Variants in AACS observed in about 807,000 individuals in gnomAD.
The protein encoded by AACS is acetoacetate-CoA ligase.
AACS carries 69 observed loss-of-function variants against 83.1 expected under a neutral mutation model. The ratio of observed to expected loss-of-function variants is 0.83; its 90% CI spans 0.68 to 1.01. AACS has a LOEUF of 1.01. AACS is among the 50% of genes least tolerant of loss of function. The pLI is 0.00. For missense variants in AACS, 866 were observed against 882.2 expected (o/e 0.98, Z 0.23); for synonymous variants, 333 against 343.4 (o/e 0.97, Z 0.33).
At chr12:125,128,049 C>T (rs1957273169) in intron 12 of AACS, 112 bp from the exon 13 acceptor site, 1 of 692,882 alleles carries the variant, frequency 1.4e-6, no homozygotes, top group African/African-American at 1.8e-5. Context: ...CAGTGTTTGT[C>T]TGGGAGAGTA....
At chr12:125,103,366 C>G (rs1298041655) in intron 7 of AACS, among the ~76,000 whole-genome samples, 1 of 152,238 alleles carries the variant, frequency 6.6e-6, no homozygotes, top group Non-Finnish European at 1.5e-5. Context: ...AGCCCACCTT[C>G]CTAGATTGGC....
intron 7 of AACS, chr12:125,105,070 T>C (rs1956804149): frequency 6.6e-6 from 1 of 152,008 alleles, no homozygotes; most frequent in South Asian, 2.1e-4. Flanking sequence ...GAGAACCCAC[T>C]CATCACCAAG....
intron 7 of AACS, 123 bp from the exon 8 acceptor site, chr12:125,106,998 G>A (rs1286004121): frequency 2.6e-5 from 37 of 1,419,542 alleles, no homozygotes; most frequent in African/African-American, 1.6e-4. Context: ...TCTGGCCACC[G>A]TCCCCCTGGA....
chr12:125,095,797 T>A (rs903245645), intron 5 of AACS, among the ~76,000 whole-genome samples: 1 of 152,200 alleles, frequency 6.6e-6, no homozygotes, highest in African/African-American at 2.4e-5. Context: ...TTCTGTTCCA[T>A]GTACGGTATT....
rs184572576 is a variant in AACS at position 125,077,534 on chromosome 12, G to A, written c.358+923G>A. Among the ~76,000 whole-genome samples, 1,499 of 151,494 alleles carry A rather than the reference G, an allele frequency of 9.9e-3. 13 individuals are homozygous for A. The highest frequency in any genetic ancestry group is 0.048 in the Middle Eastern group (14 of 290). ...CAAAAAAAAAAAAAAAAAATTGTATGTTCAGCAAGAGTTTATTGGACACTC... is the reference window on the plus strand; with the variant it reads ...CAAAAAAAAAAAAAAAAAATTGTATATTCAGCAAGAGTTTATTGGACACTC... On this transcript the variant is annotated intron_variant, in intron 3 of 17. Transcript: ENST00000316519.
At chr12:125,069,710 A>G (rs1955807241) in intron 1 of AACS, among the ~76,000 whole-genome samples, 1 of 152,230 alleles carries the variant, frequency 6.6e-6, no homozygotes, top group Non-Finnish European at 1.5e-5. Flanking sequence ...GGACTGTGCC[A>G]AGTGTCCTTC....
intron 3 of AACS, among the ~76,000 whole-genome samples, chr12:125,080,200 C>T (rs766021816): frequency 3.9e-5 from 6 of 152,132 alleles, no homozygotes; most frequent in Non-Finnish European, 8.8e-5. Context: ...AGAAGGAGAA[C>T]GAGAACGCTG....
chr12:125,085,443 C>T (rs1271805310), intron 3 of AACS, among the ~76,000 whole-genome samples: 1 of 152,210 alleles, frequency 6.6e-6, no homozygotes, highest in East Asian at 1.9e-4. Context: ...CATGGAACCA[C>T]GCACGTGCAC....
At chr12:125,132,955 G>T (rs1440221691) in intron 14 of AACS, among the ~76,000 whole-genome samples, 1 of 152,198 alleles carries the variant, frequency 6.6e-6, no homozygotes, top group Non-Finnish European at 1.5e-5. Context: ...TGGGAGGGAG[G>T]AGATGCCTTC....
chr12:125,103,399 T>A (rs985752371), intron 7 of AACS, among the ~76,000 whole-genome samples: 2 of 152,192 alleles, frequency 1.3e-5, no homozygotes, highest in African/African-American at 4.8e-5. Context: ...GCATTGGAAA[T>A]CATGTTTACA....
In AACS at chr12:125,107,676, CA is replaced by C. The variant is rs533684087; in HGVS notation, c.915+409del. On this transcript the variant is annotated intron_variant, in intron 8 of 17. Coordinates refer to ENST00000316519, the MANE Select transcript of AACS (RefSeq NM_023928.5). ...TAGACAAGAATAGATAATATTAGCG[CA>C]GTGCCAGACGCAATGGCCCACACCT... Among the ~76,000 whole-genome samples the C allele has an allele frequency of 1.6e-4, 24 of 152,322 alleles. No individual in the cohort carries two copies. The South Asian group carries it at 5.0e-3, about 32-fold the overall frequency.
In AACS at chr12:125,076,509, G is replaced by A. The variant is rs1458733031; in HGVS notation, c.256G>A (p.Gly86Arg). 10 of 1,614,008 alleles carry A rather than the reference G, an allele frequency of 6.2e-6. No homozygotes were observed. The highest frequency in any genetic ancestry group is 1.6e-4 in the Middle Eastern group (1 of 6,084). ...VYDEVVDTSK[G>R]IADVPEWFKG... ...TCTATAGGTTGTGGACACATCGAAA[G>A]GAATCGCAGATGTCCCCGAGTGGTT... Residue 86 changes from glycine to arginine, a missense_variant, in exon 3 of 18, where the codon GGA becomes AGA. By Grantham distance (125) the Gly-to-Arg change is moderately radical. Coordinates refer to ENST00000316519, the MANE Select transcript of AACS (RefSeq NM_023928.5).
chr12:125,070,469 AGCCTGG>A (rs1331814086), intron 1 of AACS, among the ~76,000 whole-genome samples: 3 of 152,180 alleles, frequency 2.0e-5, no homozygotes, highest in Non-Finnish European at 4.4e-5. Flanking sequence ...ACTGCACTCC[AGCCTGG>A]GCAGAAGAGT....
rs1384030673 is a variant in AACS at position 125,143,244 on chromosome 12, T to A, written c.*1015T>A. ...ATCCTTTCTTGAATCATTTTCCTTT[T>A]GGATTATAAAAATATGGGGGAAAGT... On this transcript the variant is annotated 3_prime_UTR_variant, in exon 18 of 18. Coordinates refer to ENST00000316519, the MANE Select transcript of AACS (RefSeq NM_023928.5). 1.3e-5 allele frequency: 2 copies of A among 152,388 alleles called. No individual in the cohort carries two copies. The highest frequency in any genetic ancestry group is 3.9e-4 in the East Asian group (2 of 5,186). 9.4% of individuals were successfully genotyped at this position (152,388 alleles called of 1,614,324 possible).
intron 5 of AACS, chr12:125,102,362 T>G (rs1956730524): frequency 3.5e-6 from 1 of 282,826 alleles, no homozygotes; most frequent in South Asian, 3.9e-5. Context: ...ATCGACTTTC[T>G]TTATTGGCTA....
In AACS at chr12:125,094,978, CGTGTGTGTGTGTGTGTGTGTGTGT is replaced by C. The variant is rs57643228; in HGVS notation, c.570+3478_570+3501del. ...TCCTCCTGAAGTGCCATCAGGTGGCCGTGTGTGTGTGTGTGTGTGTGTGTGTGTGTGTGTGTGTGTGTGTGTCTG... is the reference window on the plus strand; with the variant it reads ...TCCTCCTGAAGTGCCATCAGGTGGCCGTGTGTGTGTGTGTGTGTGTGTCTG... On this transcript the variant is annotated intron_variant, in intron 5 of 17. Coordinates refer to ENST00000316519, the MANE Select transcript of AACS (RefSeq NM_023928.5). This position sits in a 1 kb window ranked among gnomAD's most constrained non-coding sequence, Gnocchi z 4.1. Among the ~76,000 whole-genome samples, 5 of 145,240 alleles carry C rather than the reference CGTGTGTGTGTGTGTGTGTGTGTGT, an allele frequency of 3.4e-5. No individual in the cohort carries two copies. The highest frequency in any genetic ancestry group is 7.7e-5 in the African/African-American group (3 of 39,164).
intron 9 of AACS, among the ~76,000 whole-genome samples, chr12:125,116,974 T>C (rs1412529599): frequency 6.6e-6 from 1 of 151,910 alleles, no homozygotes; most frequent in East Asian, 1.9e-4. Flanking sequence ...TTTGACAGTC[T>C]CACTCTGTTG....
chr12:125,124,916 C>T lies in AACS; in HGVS notation c.1201C>T (p.Leu401Phe), dbSNP rs1359656277. 1.4e-5 allele frequency: 23 copies of T among 1,614,098 alleles called. No individual in the cohort carries two copies. The highest frequency in any genetic ancestry group is 4.5e-5 in the East Asian group (2 of 44,892). The change falls in exon 12 of 18, where the codon CTC becomes TTC. Residue 401 changes from leucine to phenylalanine, a missense_variant. Coordinates refer to ENST00000316519, the MANE Select transcript of AACS (RefSeq NM_023928.5). Reference sequence around the variant, plus strand: ...CTGCACCCCAGTGGAAACCCACAGTCTCCAGATGCTCCACACGATCCTGTC... The same window carrying T: ...CTGCACCCCAGTGGAAACCCACAGTTTCCAGATGCTCCACACGATCCTGTC... ...KAMKPVETHS[L>F]QMLHTILSTG...
At chr12:125,109,402 C>T (rs1956902553) in intron 8 of AACS, among the ~76,000 whole-genome samples, 1 of 152,176 alleles carries the variant, frequency 6.6e-6, no homozygotes, top group African/African-American at 2.4e-5. Context: ...AGGCATGAGC[C>T]ACTGTGCCTG....
Sources: gnomAD v4.1 joint callset for allele counts (sites outside exome capture counted in the v4.1 genomes callset) on GRCh38, gnomAD v4.1.1 for gene constraint, Gnocchi (gnomAD v3.1) non-coding constraint, MANE v1.5 for transcripts, NCBI Gene and HGNC (gene_info 2026-07-23, HGNC 2026-07-21) for gene names.